The following TFEC variants were observed in gnomAD, a reference collection of about 807,000 sequenced individuals.
The protein encoded by TFEC is class E basic helix-loop-helix protein 34.
Under a neutral mutation model 41.6 loss-of-function variants are expected in TFEC, and 31 were observed. The ratio of observed to expected loss-of-function variants is 0.74; its 90% CI spans 0.56 to 1.01. The LOEUF is 1.01. TFEC is among the 50% of genes least tolerant of loss of function. The pLI is 0.00. For missense variants in TFEC, 402 were observed against 404.1 expected, an observed-to-expected ratio of 0.99 and a Z score of 0.04; for synonymous variants, 143 against 140.6, an observed-to-expected ratio of 1.02 and a Z score of -0.12.
intron 3 of TFEC, among the ~76,000 whole-genome samples, chr7:116,069,460 G>A (rs528235831): frequency 2.0e-5 from 3 of 151,716 alleles, no homozygotes; most frequent in East Asian, 1.9e-4. Context: ...AAATGTTGAA[G>A]AGGAAAAGTT....
intron 3 of TFEC, among the ~76,000 whole-genome samples, chr7:116,086,508 G>A (rs959561753): frequency 6.6e-6 from 1 of 151,854 alleles, no homozygotes; most frequent in African/African-American, 2.4e-5. Context: ...GTGTGACCAC[G>A]AGTGATGAGG....
exon 2 of TFEC, chr7:116,112,001 T>G: frequency 1.0e-6 from 1 of 986,890 alleles, no homozygotes; most frequent in Middle Eastern, 2.9e-4. Flanking sequence ...CCTTTTACTT[T>G]CTGATTTTCT....
intron 1 of TFEC, among the ~76,000 whole-genome samples, chr7:116,113,672 T>C (rs1445521834): frequency 6.6e-6 from 1 of 152,046 alleles, no homozygotes; most frequent in Admixed American, 6.6e-5. Context: ...TTACTAAGAT[T>C]CTTATAATGC....
At chr7:115,999,130 A>C (rs920926776) in intron 1 of TFEC, among the ~76,000 whole-genome samples, 3 of 152,050 alleles carry the variant, frequency 2.0e-5, no homozygotes, top group Non-Finnish European at 2.9e-5. Context: ...TATTGATATT[A>C]TGTCAAGTAT....
rs567629183 is a variant in TFEC at position 116,107,704 on chromosome 7, G to A, written c.198+3004C>T. 5.6e-4 allele frequency among the ~76,000 whole-genome samples: 86 copies of A among 152,214 alleles called. 1 individual carries two copies. Among genetic ancestry groups the A allele is most frequent in the African/African-American group, 2.0e-3 (81 of 41,538 alleles). On this transcript the variant is annotated intron_variant, in intron 3 of 8. Coordinates refer to the TFEC transcript ENST00000484212. ...GTTACTCTTACCGGGAATCATCAGC[G>A]TTTTCAATAATAAAGCTAGTGAGAA...
chr7:115,983,258 CT>C lies in TFEC; in HGVS notation c.180+1003del, dbSNP rs202029123. On this transcript the variant is annotated intron_variant, in intron 2 of 7. Transcript: ENST00000265440. Reference sequence around the variant, plus strand: ...TTCGGTTTTAGATTTCAAAAAGTCCCTTTTTTTATTGTTTTATTTTTTATTA... The same window carrying C: ...TTCGGTTTTAGATTTCAAAAAGTCCCTTTTTTATTGTTTTATTTTTTATTA... Among the ~76,000 whole-genome samples, 662 of 152,134 alleles carry C rather than the reference CT, an allele frequency of 4.4e-3. 7 individuals carry two copies. The highest frequency in any genetic ancestry group is 0.015 in the African/African-American group (603 of 41,538).
intron 1 of TFEC, among the ~76,000 whole-genome samples, chr7:116,028,805 A>G (rs1184439607): frequency 6.6e-6 from 1 of 152,206 alleles, no homozygotes; most frequent in Non-Finnish European, 1.5e-5. Context: ...CATTTGAGTT[A>G]TATTTCACTA....
At chr7:116,040,937 G>A (rs960505372) in intron 3 of TFEC, among the ~76,000 whole-genome samples, 2 of 152,166 alleles carry the variant, frequency 1.3e-5, no homozygotes, top group African/African-American at 2.4e-5. Flanking sequence ...TACTGTCACA[G>A]CTTAAGAAAT....
At chr7:116,013,656 G>C (rs1342803538) in intron 1 of TFEC, among the ~76,000 whole-genome samples, 1 of 152,086 alleles carries the variant, frequency 6.6e-6, no homozygotes, top group Non-Finnish European at 1.5e-5. Flanking sequence ...GATTGTAATA[G>C]GGTATTCTTT....
chr7:115,944,494 T>C (rs1584550831), intron 6 of TFEC, among the ~76,000 whole-genome samples: 1 of 151,690 alleles, frequency 6.6e-6, no homozygotes, highest in Admixed American at 6.6e-5. Context: ...TCTATATTAC[T>C]TTTCCTTCTG....
At chr7:116,067,264 CAT>C (rs1294980386) in intron 3 of TFEC, among the ~76,000 whole-genome samples, 2 of 151,906 alleles carry the variant, frequency 1.3e-5, no homozygotes, top group Non-Finnish European at 2.9e-5. Flanking sequence ...GTTTAGGTAA[CAT>C]GTAATATTCA....
chr7:115,957,068 T>C (rs1025592647), intron 3 of TFEC, among the ~76,000 whole-genome samples: 7 of 151,952 alleles, frequency 4.6e-5, no homozygotes, highest in Non-Finnish European at 7.4e-5. Flanking sequence ...CCTATTAATA[T>C]TTACAAAGTT....
chr7:116,134,562 C>T (rs1162227613), intron 1 of TFEC, among the ~76,000 whole-genome samples: 2 of 151,966 alleles, frequency 1.3e-5, no homozygotes, highest in African/African-American at 4.8e-5. Flanking sequence ...TTTTACATAT[C>T]AAGAGTAAAT....
chr7:116,134,821 A>G (rs1798404047), intron 1 of TFEC, among the ~76,000 whole-genome samples: 1 of 152,182 alleles, frequency 6.6e-6, no homozygotes, highest in African/African-American at 2.4e-5. Flanking sequence ...TTATACTTAA[A>G]GTATTAAATA....
intron 3 of TFEC, among the ~76,000 whole-genome samples, chr7:116,088,018 T>C (rs2402030): frequency 0.1 from 15,455 of 152,130 alleles, 857 homozygotes; most frequent in African/African-American, 0.14. Context: ...ATCTCTGAGA[T>C]AAATATACAG....
Position 115,940,827 on chromosome 7 carries a change from C to A in TFEC, c.768G>T (p.Gln256His). The change falls in exon 8 of 8, where the codon CAG (glutamine) becomes CAT (histidine). Residue 256 changes from glutamine (Q) to histidine (H), a missense_variant. Gln to His is a conservative substitution (Grantham distance 24). Transcript: ENST00000265440. ...HVTKQQSHPE[Q>H]NSVDYCQQLT... ...GTTGTTGGCAATAGTCTACTGAATTCTGCTCAGGATGGCTCTGCTGTTTGG... is the reference window on the plus strand; with the variant it reads ...GTTGTTGGCAATAGTCTACTGAATTATGCTCAGGATGGCTCTGCTGTTTGG... The A allele has an allele frequency of 6.2e-7, 1 of 1,613,546 alleles. No homozygotes were observed. The highest frequency in any genetic ancestry group is 8.5e-7 in the Non-Finnish European group (1 of 1,179,632).
At chr7:116,099,480 G>A (rs529914274) in intron 3 of TFEC, among the ~76,000 whole-genome samples, 3 of 152,260 alleles carry the variant, frequency 2.0e-5, no homozygotes, top group Non-Finnish European at 4.4e-5. Context: ...TTTGGCTGAA[G>A]GGACAACATA....
chr7:116,001,789 A>G (rs1347889945), intron 1 of TFEC, among the ~76,000 whole-genome samples: 2 of 152,196 alleles, frequency 1.3e-5, no homozygotes, highest in Non-Finnish European at 2.9e-5. Flanking sequence ...AGGAGCTCAA[A>G]CACTCTATAG....
chr7:116,030,647 T>C lies in TFEC; in HGVS notation c.-87A>G. 1.0e-6 allele frequency: 1 copy of C among 985,410 alleles called. No individual in the cohort carries two copies. Among genetic ancestry groups the C allele is most frequent in the Non-Finnish European group, 1.2e-6 (1 of 829,934 alleles). The allele number at this position is 985,410 out of a possible 1,614,324, so 61.0% of individuals were successfully genotyped here. A position where few individuals can be genotyped will look rare whatever the true frequency, so the allele number is the denominator to read the frequency against. On this transcript the variant is annotated 5_prime_UTR_variant, in exon 1 of 8. Coordinates refer to ENST00000265440, the MANE Select transcript of TFEC (RefSeq NM_012252.4). The stretch of plus-strand genomic sequence containing the variant: ...TAGTTACCTACCAGCAATGAGTGGA[T>C]TTTATCAGTGTTGTCATCTCTACAA...
Sources: allele counts gnomAD v4.1 joint callset (sites outside exome capture counted in the v4.1 genomes callset), GRCh38; gene constraint gnomAD v4.1.1; transcripts MANE v1.5; gene names NCBI Gene and HGNC (gene_info 2026-07-23, HGNC 2026-07-21).